The following RESF1 variants were observed in gnomAD, a reference collection of about 807,000 sequenced individuals.
RESF1 encodes retroelement silencing factor 1, also known as gonad expressed transcript.
RESF1 carries 65 observed loss-of-function variants against 134.7 expected under a neutral mutation model. The observed-to-expected ratio is 0.48, with a 90% CI of 0.40 to 0.59. The LOEUF is 0.59. Ranked by LOEUF, RESF1 falls within the 20% of genes least tolerant of loss-of-function variation. The pLI is 0.00. For synonymous variants in RESF1, 762 were observed against 702.2 expected (o/e 1.09, Z -1.35); for missense variants, 2,274 against 2,002.7 (o/e 1.14, Z -2.59).
At chr12:31,960,472 C>G (rs1939235412) in intron 1 of RESF1, among the ~76,000 whole-genome samples, 1 of 152,042 alleles carries the variant, frequency 6.6e-6, no homozygotes, top group South Asian at 2.1e-4. Context: ...CCTGTGCAGT[C>G]GGATTTTTTT....
Position 31,983,015 on chromosome 12 carries a change from C to A in RESF1, c.2060C>A (p.Thr687Asn). 6.2e-7 allele frequency: 1 copy of A among 1,614,100 alleles called. No individual in the cohort carries two copies. Among genetic ancestry groups the A allele is most frequent in the Non-Finnish European group, 8.5e-7 (1 of 1,179,994 alleles). ...LSLWKKQPSD[T>N]AKEKECDKLR... ...CTGTGGAAAAAGCAACCTTCAGATA[C>A]TGCAAAAGAAAAGGAGTGTGATAAA... is the stretch of plus-strand genomic sequence containing the variant. The change falls in exon 4 of 6, where the codon ACT becomes AAT. Residue 687 changes from threonine (T) to asparagine (N), a missense_variant. Thr to Asn is a moderately conservative substitution (Grantham distance 65, BLOSUM62 0). Coordinates refer to ENST00000312561, the MANE Select transcript of RESF1 (RefSeq NM_018169.4).
At chr12:31,978,109 T>A (rs1236539915) in intron 3 of RESF1, among the ~76,000 whole-genome samples, 3 of 152,162 alleles carry the variant, frequency 2.0e-5, no homozygotes, top group Non-Finnish European at 4.4e-5. Context: ...TGACCTAAAT[T>A]TTGAGATTAT....
Position 31,982,822 on chromosome 12 carries a change from A to C in RESF1, c.1867A>C (p.Thr623Pro), listed in dbSNP as rs752801791. ...TGAAATGAATCCAAATACCCAAATG[A>C]CTGGTAACCAACTGAATTTGAAGAA... is the stretch of plus-strand genomic sequence containing the variant. ...SCEMNPNTQM[T>P]GNQLNLKNME... Residue 623 changes from threonine (T) to proline (P), a missense_variant, in exon 4 of 6, where the codon ACT becomes CCT. Physicochemically the swap from Thr to Pro is conservative, Grantham distance 38. Coordinates refer to ENST00000312561, the MANE Select transcript of RESF1 (RefSeq NM_018169.4). The C allele has an allele frequency of 2.5e-5, 41 of 1,614,044 alleles. No homozygotes were observed. The East Asian group carries it at 9.1e-4, about 36-fold the overall frequency.
Position 31,992,790 on chromosome 12 carries a change from T to C in RESF1, c.*255T>C, listed in dbSNP as rs959665687. 1 of 441,308 alleles carries C rather than the reference T, an allele frequency of 2.3e-6. No individual in the cohort carries two copies. Among genetic ancestry groups the C allele is most frequent in the Admixed American group, 4.0e-5 (1 of 24,806 alleles). 27.3% of individuals were successfully genotyped at this position (441,308 alleles called of 1,614,324 possible). Reference sequence around the variant, plus strand: ...CTTTATTGAACCAGATTTACCATTATTTTAAAAGGAATGCTTATACAAATC... The same window carrying C: ...CTTTATTGAACCAGATTTACCATTACTTTAAAAGGAATGCTTATACAAATC... On this transcript the variant is annotated 3_prime_UTR_variant, in exon 6 of 6. Coordinates refer to ENST00000312561, the MANE Select transcript of RESF1 (RefSeq NM_018169.4).
Position 31,983,152 on chromosome 12 carries a change from T to C in RESF1, c.2197T>C (p.Ser733Pro). 6.2e-7 allele frequency: 1 copy of C among 1,611,786 alleles called. No individual in the cohort carries two copies. Among genetic ancestry groups the C allele is most frequent in the African/African-American group, 1.3e-5 (1 of 74,860 alleles). Residue 733 changes from serine to proline, a missense_variant, in exon 4 of 6, where the codon TCA (serine) becomes CCA (proline). Transcript: ENST00000312561. ...TTCTCAGAATAAAATAAGTAATCCC[T>C]CACAGCAGACAGCTTTGTCGATGGT... ...SNSQNKISNP[S>P]QQTALSMVMH...
At chr12:31,961,972 C>T (rs1043230910) in intron 2 of RESF1, among the ~76,000 whole-genome samples, 4 of 152,146 alleles carry the variant, frequency 2.6e-5, no homozygotes, top group Admixed American at 6.5e-5. Flanking sequence ...CCTATAATGC[C>T]AGCACTTTAA....
chr12:31,982,987 T>A lies in RESF1; in HGVS notation c.2032T>A (p.Ser678Thr), dbSNP rs770677845. The A allele has an allele frequency of 5.0e-6, 8 of 1,614,126 alleles. No individual in the cohort carries two copies. Among genetic ancestry groups the A allele is most frequent in the Middle Eastern group, 1.6e-4 (1 of 6,062 alleles). The stretch of plus-strand genomic sequence containing the variant: ...CATGGAAGTGCTAGCAACCTGTCTT[T>A]CCCTGTGGAAAAAGCAACCTTCAGA... ...CSMEVLATCL[S>T]LWKKQPSDTA... Residue 678 changes from serine (S) to threonine (T), a missense_variant, in exon 4 of 6, where the codon TCC (serine) becomes ACC (threonine). Ser to Thr is a moderately conservative substitution (Grantham distance 58, BLOSUM62 1). Transcript: ENST00000312561.
intron 1 of RESF1, among the ~76,000 whole-genome samples, chr12:31,960,177 G>A (rs530601260): frequency 6.6e-6 from 1 of 152,088 alleles, no homozygotes; most frequent in Admixed American, 6.6e-5. Flanking sequence ...CGAGGGACAC[G>A]GATTCCCTAA....
intron 2 of RESF1, among the ~76,000 whole-genome samples, chr12:31,964,012 A>G (rs1287984039): frequency 6.6e-6 from 1 of 152,160 alleles, no homozygotes; most frequent in Non-Finnish European, 1.5e-5. Context: ...GTTTATGTAG[A>G]CGTGTATTTT....
chr12:31,984,606 A>G lies in RESF1; in HGVS notation c.3651A>G (p.Gln1217=), dbSNP rs1037550035. The G allele has an allele frequency of 3.2e-6, 5 of 1,576,910 alleles. No individual in the cohort carries two copies. The highest frequency in any genetic ancestry group is 2.0e-5 in the Admixed American group (1 of 50,798). The change falls in exon 4 of 6, where the codon CAA becomes CAG. Residue 1217 remains glutamine, a synonymous_variant. Coordinates refer to ENST00000312561, the MANE Select transcript of RESF1 (RefSeq NM_018169.4). The stretch of plus-strand genomic sequence containing the variant: ...CTTTGGATACCAACAGTTGTAAACA[A>G]GGAGAGAGAACTTCTGATAGAGATG... The part of the protein sequence containing the change: ...CSPLDTNSCK[Q]GERTSDRDVT...
At chr12:31,970,063 C>T (rs1197895667) in intron 2 of RESF1, 126 bp from the exon 3 acceptor site, 2 of 152,160 alleles carry the variant, frequency 1.3e-5, no homozygotes, top group Non-Finnish European at 2.9e-5. Flanking sequence ...GCTGGGTTGA[C>T]AACTTTTCAG....
At position 31,983,343 on chromosome 12, in the gene RESF1, T is replaced by G; in HGVS notation, c.2388T>G (p.Ser796Arg). ...TGTATCCCGTTATTAAAGAAGGCAG[T>G]GTTTGTAGTTTACAAAATCAATTGG... ...ETVYPVIKEG[S>R]VCSLQNQLAE... Residue 796 changes from serine to arginine, a missense_variant, in exon 4 of 6, where the codon AGT (serine) becomes AGG (arginine). Coordinates refer to ENST00000312561, the MANE Select transcript of RESF1 (RefSeq NM_018169.4). 1 of 1,614,088 alleles carries G rather than the reference T, an allele frequency of 6.2e-7. No individual in the cohort carries two copies. Among genetic ancestry groups the G allele is most frequent in the Non-Finnish European group, 8.5e-7 (1 of 1,180,008 alleles).
intron 5 of RESF1, 105 bp downstream of exon 5, chr12:31,987,427 CT>C (rs58806380): frequency 0.077 from 35,282 of 457,370 alleles, 1 homozygote; most frequent in South Asian, 0.11. Context: ...TATCCATGTT[CT>C]TTTTTTTTTT....
chr12:31,987,298 A>G lies in RESF1; in HGVS notation c.5062A>G (p.Thr1688Ala), dbSNP rs761325165. The change falls in exon 5 of 6, where the codon ACA (threonine) becomes GCA (alanine). Residue 1688 changes from threonine to alanine, a missense_variant. By Grantham distance (58) the Thr-to-Ala change is moderately conservative. Coordinates refer to ENST00000312561, the MANE Select transcript of RESF1 (RefSeq NM_018169.4). ...WLKFVATKKRTQKDSQERDNV... is the reference protein window; with the variant it reads ...WLKFVATKKRAQKDSQERDNV... ...AAAATTTGTTGCTACAAAGAAAAGG[A>G]CACAGAAAGACAGCCAAGAGAGAGG... The G allele has an allele frequency of 1.2e-6, 2 of 1,602,674 alleles. No individual in the cohort carries two copies. The highest frequency in any genetic ancestry group is 1.7e-6 in the Non-Finnish European group (2 of 1,170,738).
In RESF1 at chr12:31,982,960, TC is replaced by T; in HGVS notation, c.2007del (p.Met670TrpfsTer4). 6.2e-7 allele frequency: 1 copy of T among 1,614,118 alleles called. No individual in the cohort carries two copies. Among genetic ancestry groups the T allele is most frequent in the East Asian group, 2.2e-5 (1 of 44,878 alleles). ...GMPAKSDSSC[S>X]MEVLATCLSL... is the part of the protein sequence containing the mutation. ...GCCTGCTAAAAGTGACAGTAGCTGTTCCATGGAAGTGCTAGCAACCTGTCTT... is the reference window on the plus strand; with the variant it reads ...GCCTGCTAAAAGTGACAGTAGCTGTTCATGGAAGTGCTAGCAACCTGTCTT... On this transcript the variant is annotated frameshift_variant, in exon 4 of 6. Transcript: ENST00000312561. LOFTEE classifies it high-confidence loss of function.
chr12:31,980,056 A>G (rs1406625684), intron 3 of RESF1, among the ~76,000 whole-genome samples: 1 of 151,940 alleles, frequency 6.6e-6, no homozygotes, highest in East Asian at 1.9e-4. Flanking sequence ...CATTATGAAT[A>G]ACAAAAGATA....
At chr12:31,967,091 C>CTA (rs1031847898) in intron 2 of RESF1, among the ~76,000 whole-genome samples, 35 of 152,338 alleles carry the variant, frequency 2.3e-4, no homozygotes, top group African/African-American at 6.0e-4. Context: ...GTGCATAGGA[C>CTA]TTTACCACCT....
chr12:31,974,066 G>A (rs1304629210), intron 3 of RESF1, among the ~76,000 whole-genome samples: 1 of 151,966 alleles, frequency 6.6e-6, no homozygotes, highest in East Asian at 1.9e-4. Context: ...AGAACTCAGG[G>A]AAATAGTTTA....
rs370481515 is a variant in RESF1, at chr12:31,984,715, G to T, written c.3760G>T (p.Asp1254Tyr). ...AAGTCATTTTCCTGAACTACAAGAC[G>T]ACAGTAGAAAAGATACACCCAAAAC... ...GKSHFPELQD[D>Y]SRKDTPKTKH... is the part of the protein sequence containing the mutation. The change falls in exon 4 of 6, where the codon GAC becomes TAC. Residue 1254 changes from aspartate (D) to tyrosine (Y), a missense_variant. Transcript: ENST00000312561. The T allele has an allele frequency of 6.2e-7, 1 of 1,600,714 alleles. No homozygotes were observed. The highest frequency in any genetic ancestry group is 2.2e-5 in the East Asian group (1 of 44,844).
Sources: allele counts gnomAD v4.1 joint callset (sites outside exome capture counted in the v4.1 genomes callset), GRCh38; gene constraint gnomAD v4.1.1; transcripts MANE v1.5; gene names NCBI Gene and HGNC (gene_info 2026-07-23, HGNC 2026-07-21).